Variants in SGTB observed in about 807,000 individuals in gnomAD.
SGTB encodes small glutamine-rich tetratricopeptide repeat-containing protein beta.
Under a neutral mutation model 43.9 loss-of-function variants are expected in SGTB, and 19 were observed. That is an observed-to-expected ratio of 0.43 (90% CI 0.30 to 0.63). SGTB has a LOEUF of 0.63. SGTB is among the 30% of genes least tolerant of loss of function. The pLI, the probability that SGTB is intolerant of heterozygous loss-of-function variation, is 0.12. For synonymous variants in SGTB, 116 were observed against 117.3 expected (o/e 0.99, Z 0.07); for missense variants, 304 against 358.9 (o/e 0.85, Z 1.24).
chr5:65,670,345 A>G lies in SGTB; in HGVS notation c.816T>C (p.Phe272=), dbSNP rs1757131859. 2 of 1,613,980 alleles carry G rather than the reference A, an allele frequency of 1.2e-6. No homozygotes were observed. Among genetic ancestry groups the G allele is most frequent in the Non-Finnish European group, 1.7e-6 (2 of 1,179,958 alleles). The change falls in exon 11 of 11, where the codon TTT becomes TTC. Residue 272 remains phenylalanine, a synonymous_variant. Transcript: ENST00000381007. ...LSSLIQAGQQ[F]AQQIQQQNPE... Reference sequence around the variant, plus strand: ...GATTTTGTTGCTGTATCTGCTGAGCAAACTGCTGTCCCCTGTAGTAAAGAG... The same window carrying G: ...GATTTTGTTGCTGTATCTGCTGAGCGAACTGCTGTCCCCTGTAGTAAAGAG...
intron 2 of SGTB, among the ~76,000 whole-genome samples, chr5:65,720,194 A>G (rs7725477): frequency 0.3 from 45,078 of 149,260 alleles, 6,967 homozygotes; most frequent in South Asian, 0.44. Context: ...CCACCCTCCT[A>G]TCTCAGCCTC....
chr5:65,705,882 C>A (rs1369046025), intron 4 of SGTB, among the ~76,000 whole-genome samples: 30 of 145,514 alleles, frequency 2.1e-4, no homozygotes, highest in Admixed American at 4.8e-4. Context: ...AAAAAAAACA[C>A]AAAAATTAGC....
intron 10 of SGTB, among the ~76,000 whole-genome samples, chr5:65,671,231 T>A (rs184431689): frequency 8.9e-4 from 136 of 152,118 alleles, no homozygotes; most frequent in African/African-American, 3.1e-3. Flanking sequence ...TGGGAAAAAA[T>A]GGGGGATTAA....
In SGTB at chr5:65,704,035, C is replaced by CA. The variant is rs11405488; in HGVS notation, c.374+243dup. Among the ~76,000 whole-genome samples, 1,165 of 133,336 alleles carry CA rather than the reference C, an allele frequency of 8.7e-3. 11 individuals are homozygous for CA. Among genetic ancestry groups the CA allele is most frequent in the Admixed American group, 0.012 (145 of 12,482 alleles). The allele number at this position is 133,336 out of a possible 152,430, so 87.5% of individuals were successfully genotyped here. A position where few individuals can be genotyped will look rare whatever the true frequency, so the allele number is the denominator to read the frequency against. On this transcript the variant is annotated intron_variant, in intron 5 of 10. Transcript: ENST00000381007. ...CCTGGGTGACAGTGAGACTCCGTCT[C>CA]AAAAAAAAAAAAAAAAATAAATAAA...
intron 8 of SGTB, among the ~76,000 whole-genome samples, chr5:65,679,272 C>T (rs1296802337): frequency 1.3e-5 from 2 of 152,148 alleles, no homozygotes; most frequent in Admixed American, 6.5e-5. Context: ...TAGAGAAATG[C>T]AAATCAAAAC....
rs114845749 is a variant in SGTB at position 65,672,085 on chromosome 5, C to T, written c.720-87G>A. The T allele has an allele frequency of 3.9e-4, 608 of 1,567,120 alleles. 5 individuals are homozygous for T. The African/African-American group carries it at 7.6e-3, about 19-fold the overall frequency. On this transcript the variant is annotated intron_variant, in intron 9 of 10. Coordinates refer to ENST00000381007, the MANE Select transcript of SGTB (RefSeq NM_019072.3). The stretch of plus-strand genomic sequence containing the variant: ...GGACGAGGAAAAGTTAATAAAATAC[C>T]CATGTTATACCAGAGGCTAGGCCAA...
intron 8 of SGTB, among the ~76,000 whole-genome samples, chr5:65,679,203 A>T (rs976842920): frequency 2.6e-5 from 4 of 152,238 alleles, no homozygotes; most frequent in Admixed American, 2.0e-4. Context: ...CAATTCTCAA[A>T]AGAAGACATA....
chr5:65,705,269 C>G (rs966709440), intron 4 of SGTB, among the ~76,000 whole-genome samples: 2 of 151,166 alleles, frequency 1.3e-5, no homozygotes, highest in African/African-American at 4.9e-5. Context: ...ATAGTGGGAC[C>G]CCCCCTCATC....
chr5:65,694,169 C>A (rs1455130142), intron 5 of SGTB, among the ~76,000 whole-genome samples: 1 of 152,126 alleles, frequency 6.6e-6, no homozygotes, highest in Non-Finnish European at 1.5e-5. Flanking sequence ...GTGGCTCACA[C>A]GTGTAATCCC....
rs2150699316 is a variant in SGTB at position 65,667,898 on chromosome 5, A to G, written c.*2348T>C. The G allele has an allele frequency of 6.6e-6, 1 of 152,300 alleles. No individual in the cohort carries two copies. The highest frequency in any genetic ancestry group is 2.1e-4 in the South Asian group (1 of 4,824). 9.4% of individuals were successfully genotyped at this position (152,300 alleles called of 1,614,324 possible). ...TCTAATGTCACAAAGGAGAAAGAGA[A>G]AAGTTGGATTTTAAACTTCAAGATA... On this transcript the variant is annotated 3_prime_UTR_variant, in exon 11 of 11. Coordinates refer to ENST00000381007, the MANE Select transcript of SGTB (RefSeq NM_019072.3).
At chr5:65,682,964 A>G (rs1009345474) in intron 6 of SGTB, among the ~76,000 whole-genome samples, 2 of 152,160 alleles carry the variant, frequency 1.3e-5, no homozygotes, top group Admixed American at 1.3e-4. Flanking sequence ...TCATCAACTG[A>G]TCAATATATA....
chr5:65,709,807 C>T (rs1302794650), intron 3 of SGTB, among the ~76,000 whole-genome samples: 2 of 152,112 alleles, frequency 1.3e-5, no homozygotes, highest in Non-Finnish European at 2.9e-5. Flanking sequence ...CCCTATGTTG[C>T]TCAGGATGGT....
intron 2 of SGTB, 114 bp from the exon 3 acceptor site, chr5:65,713,178 ATAAGGAAAACATTG>A (rs1758075328): frequency 1.4e-6 from 1 of 719,680 alleles, no homozygotes; most frequent in Middle Eastern, 2.6e-4. Context: ...ATCACAGAAC[ATAAGGAAAACATTG>A]GTTCAGCTGC....
intron 6 of SGTB, among the ~76,000 whole-genome samples, chr5:65,682,320 A>T (rs527368392): frequency 5.1e-4 from 78 of 152,334 alleles, no homozygotes; most frequent in Non-Finnish European, 8.4e-4. Context: ...ATAGAGGACC[A>T]TTGCTTGGAG....
At chr5:65,672,115 G>A (rs1044273400) in intron 9 of SGTB, 117 bp from the exon 10 acceptor site, 20 of 1,563,776 alleles carry the variant, frequency 1.3e-5, no homozygotes, top group East Asian at 2.2e-5. Context: ...GGCCAAATGT[G>A]TGTGGCTTTA....
chr5:65,695,336 T>C (rs1287764942), intron 5 of SGTB, among the ~76,000 whole-genome samples: 2 of 152,164 alleles, frequency 1.3e-5, no homozygotes, highest in African/African-American at 4.8e-5. Context: ...AGGGGGACTG[T>C]GTTTCAATCT....
intron 5 of SGTB, among the ~76,000 whole-genome samples, chr5:65,694,266 C>T (rs1757673867): frequency 2.0e-5 from 3 of 151,798 alleles, no homozygotes; most frequent in African/African-American, 7.3e-5. Context: ...CCCGTCTCTA[C>T]TAAAACTACA....
At chr5:65,687,309 G>A (rs1757517408) in intron 5 of SGTB, among the ~76,000 whole-genome samples, 1 of 152,178 alleles carries the variant, frequency 6.6e-6, no homozygotes, top group African/African-American at 2.4e-5. Flanking sequence ...TTAAAGTTAT[G>A]CTGTATAAGG....
intron 8 of SGTB, among the ~76,000 whole-genome samples, chr5:65,674,898 G>A (rs1757235840): frequency 6.6e-6 from 1 of 152,070 alleles, no homozygotes; most frequent in African/African-American, 2.4e-5. Flanking sequence ...ATTTGATAAG[G>A]GAAAAATAAA....
Sources: allele counts gnomAD v4.1 joint callset (sites outside exome capture counted in the v4.1 genomes callset), GRCh38; gene constraint gnomAD v4.1.1; transcripts MANE v1.5; gene names NCBI Gene and HGNC (gene_info 2026-07-23, HGNC 2026-07-21).